HAPLN1: variants seen among roughly 807,000 people sequenced by gnomAD.
HAPLN1 encodes hyaluronan and proteoglycan link protein 1.
HAPLN1 carries 13 observed loss-of-function variants against 36.5 expected under a neutral mutation model. That is an observed-to-expected ratio of 0.36 (90% CI 0.23 to 0.57). The LOEUF (loss-of-function observed/expected upper bound fraction) is 0.57, where lower values mean the gene tolerates loss of function less well. Among genes scored for constraint, HAPLN1 ranks in the 20% least tolerant of loss-of-function variants. The pLI is 0.83. For synonymous variants in HAPLN1, 202 were observed against 169.8 expected (o/e 1.19, Z -1.48); for missense variants, 407 against 439.7 (o/e 0.93, Z 0.66).
At chr5:83,700,032 A>G (rs1450900977) in intron 1 of HAPLN1, among the ~76,000 whole-genome samples, 1 of 152,058 alleles carries the variant, frequency 6.6e-6, no homozygotes. Flanking sequence ...CGTCTCTACT[A>G]AAAATACAAA....
chr5:83,649,345 TTC>T (rs1172812724), intron 3 of HAPLN1, among the ~76,000 whole-genome samples: 2 of 152,170 alleles, frequency 1.3e-5, no homozygotes, highest in African/African-American at 2.4e-5. Flanking sequence ...TTTGAGTAAT[TTC>T]TCTCTCTTAT....
At chr5:83,678,863 T>C (rs1467556963) in intron 1 of HAPLN1, among the ~76,000 whole-genome samples, 1 of 152,220 alleles carries the variant, frequency 6.6e-6, no homozygotes, top group Non-Finnish European at 1.5e-5. Flanking sequence ...CACCACAAAA[T>C]GGATACTGAA....
In HAPLN1 at chr5:83,676,329, C is replaced by T. The variant is rs1197905063; in HGVS notation, c.-26-2780G>A. On this transcript the variant is annotated intron_variant, in intron 1 of 4. Coordinates refer to ENST00000274341, the MANE Select transcript of HAPLN1 (RefSeq NM_001884.4). ...TGCAGTAACTTGTGATTAGAGGCCTCTATCAGTGAATACTTTAGAGTACCC... is the reference window on the plus strand; with the variant it reads ...TGCAGTAACTTGTGATTAGAGGCCTTTATCAGTGAATACTTTAGAGTACCC... 2.0e-5 allele frequency among the ~76,000 whole-genome samples: 3 copies of T among 152,130 alleles called. No homozygotes were observed. In the East Asian group the frequency reaches 5.8e-4, roughly 29 times the overall value.
intron 1 of HAPLN1, among the ~76,000 whole-genome samples, chr5:83,686,742 A>C (rs1751137257): frequency 6.6e-6 from 1 of 152,112 alleles, no homozygotes; most frequent in Non-Finnish European, 1.5e-5. Flanking sequence ...AATTTAGAAA[A>C]GTTCTCTAAA....
chr5:83,683,744 G>T (rs1751056836), intron 1 of HAPLN1, among the ~76,000 whole-genome samples: 1 of 152,124 alleles, frequency 6.6e-6, no homozygotes, highest in African/African-American at 2.4e-5. Context: ...ATACACAGCT[G>T]CCAGTCATCA....
At chr5:83,684,153 A>AG (rs1325598205) in intron 1 of HAPLN1, among the ~76,000 whole-genome samples, 5 of 152,122 alleles carry the variant, frequency 3.3e-5, no homozygotes, top group African/African-American at 1.2e-4. Flanking sequence ...GAAAAACAAC[A>AG]CCAGATAGGC....
At chr5:83,648,244 C>A (rs1027510240) in intron 3 of HAPLN1, among the ~76,000 whole-genome samples, 5 of 151,236 alleles carry the variant, frequency 3.3e-5, no homozygotes, top group Non-Finnish European at 7.4e-5. Flanking sequence ...ATATCTAATT[C>A]CAACTCACAT....
chr5:83,713,499 A>G (rs912246181), intron 1 of HAPLN1, among the ~76,000 whole-genome samples: 5 of 152,180 alleles, frequency 3.3e-5, no homozygotes, highest in Non-Finnish European at 5.9e-5. Context: ...CTCCCTTAGT[A>G]TATCCCTGGG....
intron 1 of HAPLN1, among the ~76,000 whole-genome samples, chr5:83,715,310 A>G (rs1428069753): frequency 6.6e-6 from 1 of 152,232 alleles, no homozygotes; most frequent in Non-Finnish European, 1.5e-5. Flanking sequence ...GTAGTCAAGA[A>G]ATCAATAAAC....
At chr5:83,692,480 T>C (rs1478313381) in intron 1 of HAPLN1, among the ~76,000 whole-genome samples, 1 of 151,912 alleles carries the variant, frequency 6.6e-6, no homozygotes, top group Non-Finnish European at 1.5e-5. Flanking sequence ...TGGAATGAGA[T>C]CTTTAAAGTA....
chr5:83,663,767 T>G lies in HAPLN1; in HGVS notation c.100+9657A>C, dbSNP rs75220798. On this transcript the variant is annotated intron_variant, in intron 2 of 4. Coordinates refer to ENST00000274341, the MANE Select transcript of HAPLN1 (RefSeq NM_001884.4). ...TGTTTCCCTTAATTCCTACATCCAA[T>G]CTATCAGTAATTGCTGCCATTTCTT... Among the ~76,000 whole-genome samples, 1,037 of 151,634 alleles carry G rather than the reference T, an allele frequency of 6.8e-3. 3 individuals carry two copies. The highest frequency in any genetic ancestry group is 9.3e-3 in the Non-Finnish European group (629 of 67,896).
chr5:83,712,376 T>A (rs1050726732), intron 1 of HAPLN1, among the ~76,000 whole-genome samples: 24 of 152,168 alleles, frequency 1.6e-4, no homozygotes, highest in African/African-American at 5.8e-4. Context: ...ATAAAAAGTT[T>A]AATTTTCTAA....
chr5:83,642,664 A>G (rs1031844006), intron 4 of HAPLN1, among the ~76,000 whole-genome samples: 4 of 152,178 alleles, frequency 2.6e-5, no homozygotes, highest in Non-Finnish European at 4.4e-5. Context: ...GCCTGATTAG[A>G]CATGTAATAT....
rs922431552 is a variant in HAPLN1 at position 83,640,369 on chromosome 5, C to T, written c.*1127G>A. 1 of 152,042 alleles carries T rather than the reference C, an allele frequency of 6.6e-6. No homozygotes were observed. The highest frequency in any genetic ancestry group is 1.5e-5 in the Non-Finnish European group (1 of 67,988). 9.4% of individuals were successfully genotyped at this position (152,042 alleles called of 1,614,324 possible). ...CAGCAAGGAAAGTGACATCATTAACCACATTTTCTGTTTGGGATAAGGTTT... is the reference window on the plus strand; with the variant it reads ...CAGCAAGGAAAGTGACATCATTAACTACATTTTCTGTTTGGGATAAGGTTT... On this transcript the variant is annotated 3_prime_UTR_variant, in exon 5 of 5. Transcript: ENST00000274341.
chr5:83,716,391 T>C lies in HAPLN1; in HGVS notation c.-27+4398A>G, dbSNP rs554738065. Among the ~76,000 whole-genome samples the C allele has an allele frequency of 2.7e-3, 413 of 152,334 alleles. 1 individual carries two copies. The highest frequency in any genetic ancestry group is 4.6e-3 in the Non-Finnish European group (310 of 68,032). ...TTCCAAGTTATTTTTACTCTGAATT[T>C]TTCTTTTTGTTTTGTAAATAGTCTC... On this transcript the variant is annotated intron_variant, in intron 1 of 4. Transcript: ENST00000274341.
chr5:83,720,377 T>A (rs1267617169), intron 1 of HAPLN1, among the ~76,000 whole-genome samples: 2 of 152,178 alleles, frequency 1.3e-5, no homozygotes, highest in Non-Finnish European at 2.9e-5. Flanking sequence ...TGAAACAAAA[T>A]TCATAAGCCT....
At chr5:83,687,366 G>A (rs1751154988) in intron 1 of HAPLN1, among the ~76,000 whole-genome samples, 1 of 152,280 alleles carries the variant, frequency 6.6e-6, no homozygotes, top group African/African-American at 2.4e-5. Flanking sequence ...TTCAAAATAA[G>A]CCTCTCAGCA....
chr5:83,649,112 G>T (rs1205568614), intron 3 of HAPLN1, among the ~76,000 whole-genome samples: 1 of 152,130 alleles, frequency 6.6e-6, no homozygotes, highest in East Asian at 1.9e-4. Context: ...CAGTGGTAGT[G>T]GGAGTAAGAA....
intron 1 of HAPLN1, among the ~76,000 whole-genome samples, chr5:83,692,516 T>A: frequency 1.3e-5 from 2 of 151,950 alleles, no homozygotes; most frequent in Non-Finnish European, 2.9e-5. Context: ...CCACCTAGAA[T>A]TCTTTACTCT....
Sources: allele counts gnomAD v4.1 joint callset (sites outside exome capture counted in the v4.1 genomes callset), GRCh38; gene constraint gnomAD v4.1.1; transcripts MANE v1.5; gene names NCBI Gene and HGNC (gene_info 2026-07-23, HGNC 2026-07-21).